The following LYPLAL1 variants were observed in gnomAD, a reference collection of about 807,000 sequenced individuals.
LYPLAL1 encodes lysophospholipase like 1.
LYPLAL1 carries 23 observed loss-of-function variants against 19.7 expected under a neutral mutation model. The ratio of observed to expected loss-of-function variants is 1.17; its 90% CI spans 0.84 to 1.65. The LOEUF (loss-of-function observed/expected upper bound fraction) is 1.65. Ranked by LOEUF, LYPLAL1 falls within the 40% of genes most tolerant of loss-of-function variation. The pLI is 0.00. For missense variants in LYPLAL1, 355 were observed against 279.4 expected (o/e 1.27, Z -1.93); for synonymous variants, 119 against 96.3 (o/e 1.24, Z -1.38).
At chr1:219,273,516 G>A in the LYPLAL1 span, 1 of 152,188 alleles carries the variant, frequency 6.6e-6, no homozygotes. Flanking sequence ...CAATTTACAG[G>A]TGTGATAGAA....
the LYPLAL1 span, among the ~76,000 whole-genome samples, chr1:219,335,755 G>A: frequency 1.5e-4 from 23 of 151,816 alleles, no homozygotes; most frequent in African/African-American, 5.3e-4. Flanking sequence ...AATGCGCCCA[G>A]AATTGTGCTA....
At chr1:219,329,273 A>G in the LYPLAL1 span, among the ~76,000 whole-genome samples, 91 of 152,306 alleles carry the variant, frequency 6.0e-4, 3 homozygotes, top group South Asian at 0.018. Flanking sequence ...CAAAGGGATA[A>G]ATAAATAAAA....
the LYPLAL1 span, among the ~76,000 whole-genome samples, chr1:219,241,705 T>A: frequency 0.23 from 35,607 of 152,168 alleles, 4,458 homozygotes; most frequent in African/African-American, 0.29. Context: ...TATTACTTAC[T>A]AAGAAAGGGA....
At chr1:219,320,920 T>G in the LYPLAL1 span, among the ~76,000 whole-genome samples, 1 of 152,228 alleles carries the variant, frequency 6.6e-6, no homozygotes, top group African/African-American at 2.4e-5. Flanking sequence ...TGTGTCTTTA[T>G]AGCAGCATGA....
At chr1:219,313,089 G>A in the LYPLAL1 span, among the ~76,000 whole-genome samples, 4 of 152,122 alleles carry the variant, frequency 2.6e-5, no homozygotes, top group South Asian at 2.1e-4. Flanking sequence ...GGCAGATCTC[G>A]TTGTTCTGTC....
rs897647056 is a variant in LYPLAL1, at chr1:219,211,758, T to C, written c.*30T>C. On this transcript the variant is annotated 3_prime_UTR_variant, in exon 5 of 5. Coordinates refer to ENST00000366928, the MANE Select transcript of LYPLAL1 (RefSeq NM_138794.5). ...ATCAAGAGTGATTTGTTAATGTAAG[T>C]GTAATGTCTTTGTGAAAAGTGATTT... 7 of 1,420,692 alleles carry C rather than the reference T, an allele frequency of 4.9e-6. No individual in the cohort carries two copies. The highest frequency in any genetic ancestry group is 6.7e-6 in the Non-Finnish European group (7 of 1,042,680). 88.0% of individuals were successfully genotyped at this position (1,420,692 alleles called of 1,614,324 possible). A position where few individuals can be genotyped will look rare whatever the true frequency, so the allele number is the denominator to read the frequency against.
At chr1:219,248,649 A>G in the LYPLAL1 span, among the ~76,000 whole-genome samples, 4 of 152,078 alleles carry the variant, frequency 2.6e-5, no homozygotes, top group African/African-American at 9.7e-5. Flanking sequence ...CATTGTGGGG[A>G]CTGGCTTATT....
the LYPLAL1 span, among the ~76,000 whole-genome samples, chr1:219,415,753 TTG>T: frequency 6.6e-6 from 1 of 152,218 alleles, no homozygotes; most frequent in Non-Finnish European, 1.5e-5. Flanking sequence ...CAAAGGCAAG[TTG>T]TCAGCAGGGC....
At chr1:219,307,583 G>T in the LYPLAL1 span, among the ~76,000 whole-genome samples, 4 of 152,254 alleles carry the variant, frequency 2.6e-5, no homozygotes, top group South Asian at 8.3e-4. Context: ...AACATTAGAG[G>T]ACAAGATACA....
the LYPLAL1 span, among the ~76,000 whole-genome samples, chr1:219,360,082 T>G: frequency 5.3e-5 from 8 of 152,198 alleles, no homozygotes; most frequent in Non-Finnish European, 1.2e-4. Context: ...GTCAGGATTA[T>G]CAACCTGTCT....
chr1:219,281,307 A>G, the LYPLAL1 span, among the ~76,000 whole-genome samples: 40 of 114,178 alleles, frequency 3.5e-4, no homozygotes, highest in African/African-American at 1.3e-3. Flanking sequence ...AAAAATAAAG[A>G]GAGAAAGGTA....
At chr1:219,361,261 C>T in the LYPLAL1 span, among the ~76,000 whole-genome samples, 2 of 152,290 alleles carry the variant, frequency 1.3e-5, no homozygotes, top group South Asian at 4.2e-4. Flanking sequence ...TACCGAAGGA[C>T]TGTAAAGATT....
chr1:219,335,182 C>G, the LYPLAL1 span, among the ~76,000 whole-genome samples: 36 of 151,894 alleles, frequency 2.4e-4, 1 homozygote, highest in Non-Finnish European at 2.9e-4. Flanking sequence ...GTTTTCTCAG[C>G]TCTATTTTCA....
chr1:219,282,721 T>A, the LYPLAL1 span, among the ~76,000 whole-genome samples: 1 of 152,020 alleles, frequency 6.6e-6, no homozygotes. Context: ...AGAATTCTAT[T>A]TTTTTTCCAA....
At chr1:219,413,538 C>G in the LYPLAL1 span, among the ~76,000 whole-genome samples, 2 of 151,986 alleles carry the variant, frequency 1.3e-5, no homozygotes, top group Non-Finnish European at 2.9e-5. Context: ...CTGGAATTAC[C>G]TCTGAGGCCT....
chr1:219,439,507 T>C, the LYPLAL1 span, among the ~76,000 whole-genome samples: 1 of 152,194 alleles, frequency 6.6e-6, no homozygotes, highest in Non-Finnish European at 1.5e-5. Context: ...AAAGCACTTG[T>C]TTATATTTTG....
chr1:219,365,312 C>G, the LYPLAL1 span, among the ~76,000 whole-genome samples: 4 of 152,108 alleles, frequency 2.6e-5, no homozygotes, highest in African/African-American at 9.7e-5. Context: ...GATATGTACA[C>G]TTTCATATGT....
chr1:219,186,689 T>A (rs1656750301), intron 2 of LYPLAL1, among the ~76,000 whole-genome samples: 1 of 151,774 alleles, frequency 6.6e-6, no homozygotes, highest in Admixed American at 6.6e-5. Context: ...TTCTTTTGAT[T>A]AGAGCTGTAT....
chr1:219,443,144 T>G, the LYPLAL1 span, among the ~76,000 whole-genome samples: 1 of 152,172 alleles, frequency 6.6e-6, no homozygotes, highest in Non-Finnish European at 1.5e-5. Flanking sequence ...ACTTTCTTCA[T>G]GAAGCAAGGT....
Sources: allele counts gnomAD v4.1 joint callset (sites outside exome capture counted in the v4.1 genomes callset), GRCh38; gene constraint gnomAD v4.1.1; transcripts MANE v1.5; gene names NCBI Gene and HGNC (gene_info 2026-07-23, HGNC 2026-07-21).